Variants in MPDZ observed in about 807,000 individuals in gnomAD.
The protein encoded by MPDZ is multiple PDZ domain protein.
In MPDZ, 234 loss-of-function variants were observed where a neutral mutation model predicts 239.1. The observed-to-expected ratio is 0.98, with a 90% CI of 0.88 to 1.09. The LOEUF (loss-of-function observed/expected upper bound fraction) is 1.09. Ranked by LOEUF, MPDZ falls within the 50% of genes least tolerant of loss-of-function variation. The pLI is 0.00. For missense variants in MPDZ, 3,175 were observed against 2,510.0 expected (o/e 1.26, Z -5.66); for synonymous variants, 1,048 against 881.3 (o/e 1.19, Z -3.35).
intron 25 of MPDZ, among the ~76,000 whole-genome samples, chr9:13,148,898 T>C (rs1240539241): frequency 6.6e-6 from 1 of 152,064 alleles, no homozygotes; most frequent in African/African-American, 2.4e-5. Context: ...AAAAAAGTTC[T>C]TTCTTTTCCA....
In MPDZ at chr9:13,247,534, A is replaced by G. The variant is rs1004844546; in HGVS notation, c.183+101T>C. On this transcript the variant is annotated intron_variant, in intron 3 of 46. Transcript: ENST00000319217. Reference sequence around the variant, plus strand: ...GGAGGTTTAAATGACTTCATTAACTATTCATTAACACATAGAAAAATCAGC... The same window carrying G: ...GGAGGTTTAAATGACTTCATTAACTGTTCATTAACACATAGAAAAATCAGC... 10 of 1,287,436 alleles carry G rather than the reference A, an allele frequency of 7.8e-6. No individual in the cohort carries two copies. The African/African-American group carries it at 1.5e-4, about 19-fold the overall frequency. 79.8% of individuals were successfully genotyped at this position (1,287,436 alleles called of 1,614,324 possible).
At chr9:13,259,820 T>C (rs1485391659) in intron 1 of MPDZ, among the ~76,000 whole-genome samples, 1 of 152,050 alleles carries the variant, frequency 6.6e-6, no homozygotes, top group Non-Finnish European at 1.5e-5. Flanking sequence ...ATACTACTCT[T>C]AAAAAGTTTA....
chr9:13,117,858 T>C (rs1943719345), intron 39 of MPDZ, among the ~76,000 whole-genome samples: 1 of 151,546 alleles, frequency 6.6e-6, no homozygotes, highest in Non-Finnish European at 1.5e-5. Flanking sequence ...TTTTTTTTTT[T>C]TTTGAGATGG....
At chr9:13,113,287 T>C (rs1025044647) in intron 41 of MPDZ, among the ~76,000 whole-genome samples, 5 of 152,102 alleles carry the variant, frequency 3.3e-5, no homozygotes, top group African/African-American at 1.2e-4. Flanking sequence ...TAAGTGTTGA[T>C]TATATAACTA....
At chr9:13,211,702 T>C (rs1273794907) in intron 10 of MPDZ, among the ~76,000 whole-genome samples, 1 of 152,132 alleles carries the variant, frequency 6.6e-6, no homozygotes, top group Non-Finnish European at 1.5e-5. Context: ...TGATTAAGCC[T>C]GCTTCAATAT....
At chr9:13,160,830 TTATATATATATATATA>T (rs58374268) in intron 23 of MPDZ, among the ~76,000 whole-genome samples, 5,204 of 38,020 alleles carry the variant, frequency 0.14, 434 homozygotes, top group Non-Finnish European at 0.21. Context: ...ATTATTAAAA[TTATATATATATATATA>T]TATATATATA....
intron 1 of MPDZ, among the ~76,000 whole-genome samples, chr9:13,257,425 T>G (rs1004588195): frequency 6.6e-6 from 1 of 152,164 alleles, no homozygotes; most frequent in Non-Finnish European, 1.5e-5. Context: ...TCCCTTATTT[T>G]AAAGCCCAAA....
intron 35 of MPDZ, 70 bp from the exon 36 acceptor site, chr9:13,123,368 A>G: frequency 7.4e-7 from 1 of 1,349,766 alleles, no homozygotes; most frequent in Non-Finnish European, 1.0e-6. Context: ...AACTCATCAC[A>G]CAGATTGACT....
At chr9:13,213,844 G>A (rs1447264280) in intron 10 of MPDZ, among the ~76,000 whole-genome samples, 2 of 151,994 alleles carry the variant, frequency 1.3e-5, no homozygotes, top group Admixed American at 6.6e-5. Context: ...GTTATCATGA[G>A]ACTCTTTCAA....
intron 19 of MPDZ, among the ~76,000 whole-genome samples, chr9:13,180,703 G>T (rs529360511): frequency 6.6e-6 from 1 of 152,208 alleles, no homozygotes; most frequent in South Asian, 2.1e-4. Context: ...AATAAGAAAG[G>T]AAAAACACGG....
intron 19 of MPDZ, among the ~76,000 whole-genome samples, chr9:13,176,831 A>G (rs944071231): frequency 1.3e-5 from 2 of 152,168 alleles, no homozygotes; most frequent in African/African-American, 4.8e-5. Flanking sequence ...TATGAGCTCA[A>G]GGACATAAAA....
intron 22 of MPDZ, 23 bp downstream of exon 22, chr9:13,168,343 A>C (rs1286518710): frequency 2.5e-6 from 4 of 1,600,238 alleles, no homozygotes; most frequent in Non-Finnish European, 8.5e-7. Flanking sequence ...CCCAAGTTAA[A>C]CTGGGCTTCA....
At chr9:13,205,423 C>A (rs946677933) in intron 11 of MPDZ, among the ~76,000 whole-genome samples, 20 of 152,136 alleles carry the variant, frequency 1.3e-4, no homozygotes, top group African/African-American at 4.8e-4. Flanking sequence ...CTGAGCTACA[C>A]AGGGGTTTCA....
intron 3 of MPDZ, among the ~76,000 whole-genome samples, chr9:13,246,422 GC>G (rs1564121912): frequency 6.6e-6 from 1 of 152,084 alleles, no homozygotes; most frequent in Non-Finnish European, 1.5e-5. Flanking sequence ...AACCTGAGTG[GC>G]AGAATGAGAC....
intron 23 of MPDZ, among the ~76,000 whole-genome samples, chr9:13,159,290 C>T (rs1269648679): frequency 6.6e-6 from 1 of 152,066 alleles, no homozygotes; most frequent in African/African-American, 2.4e-5. Flanking sequence ...AATCTCTTTG[C>T]TATAGGTCCT....
At position 13,192,813 on chromosome 9, in the gene MPDZ, T is replaced by C. The variant is rs1389376553; in HGVS notation, c.1803+354A>G. On this transcript the variant is annotated intron_variant, in intron 14 of 46. Coordinates refer to ENST00000319217, the MANE Select transcript of MPDZ (RefSeq NM_001378778.1). Reference sequence around the variant, plus strand: ...GAAGGGTGATGAGAACTGGATGAATTGGGACAGGAAGGAGACCCTTTTCCA... The same window carrying C: ...GAAGGGTGATGAGAACTGGATGAATCGGGACAGGAAGGAGACCCTTTTCCA... Among the ~76,000 whole-genome samples the C allele has an allele frequency of 2.6e-5, 4 of 152,174 alleles. No individual in the cohort carries two copies. The East Asian group carries it at 7.7e-4, about 29-fold the overall frequency.
Position 13,249,008 on chromosome 9 carries a change from A to AAAAAAAAAAAAAAC in MPDZ, c.17-1208_17-1207insGTTTTTTTTTTTTT, listed in dbSNP as rs1279043046. Among the ~76,000 whole-genome samples, 36 of 125,346 alleles carry AAAAAAAAAAAAAAC rather than the reference A, an allele frequency of 2.9e-4. 1 individual carries two copies. Among genetic ancestry groups the AAAAAAAAAAAAAAC allele is most frequent in the Non-Finnish European group, 5.0e-4 (29 of 58,356 alleles). The allele number at this position is 125,346 out of a possible 152,430, so 82.2% of individuals were successfully genotyped here. On this transcript the variant is annotated intron_variant, in intron 2 of 46. Transcript: ENST00000319217. ...AAAAAAAAAAAAAAAAAAAAAAAAA[A>AAAAAAAAAAAAAAC]ATTGGAATCATCACCAGAGATACTT...
intron 19 of MPDZ, among the ~76,000 whole-genome samples, chr9:13,180,972 G>A (rs1953237836): frequency 6.6e-6 from 1 of 152,166 alleles, no homozygotes; most frequent in South Asian, 2.1e-4. Context: ...CCTGAAGAGC[G>A]AGGCCTCCCT....
chr9:13,151,325 A>G (rs1949139595), intron 24 of MPDZ, among the ~76,000 whole-genome samples: 1 of 152,172 alleles, frequency 6.6e-6, no homozygotes, highest in African/African-American at 2.4e-5. Context: ...ACCCAAAATA[A>G]TTCAAAGCAG....
Sources: gnomAD v4.1 joint callset for allele counts (sites outside exome capture counted in the v4.1 genomes callset) on GRCh38, gnomAD v4.1.1 for gene constraint, MANE v1.5 for transcripts, NCBI Gene and HGNC (gene_info 2026-07-23, HGNC 2026-07-21) for gene names.